The following GRM7 variants were observed in gnomAD, a reference collection of about 807,000 sequenced individuals.
GRM7 encodes the protein metabotropic glutamate receptor 7.
In GRM7, 35 loss-of-function variants were observed where a neutral mutation model predicts 84.5. The observed-to-expected ratio is 0.41, with a 90% CI of 0.32 to 0.55. The LOEUF (loss-of-function observed/expected upper bound fraction) is 0.55, where lower values mean the gene tolerates loss of function less well. Ranked by LOEUF, GRM7 falls within the 20% of genes least tolerant of loss-of-function variation. GRM7 has a pLI of 0.19. For synonymous variants in GRM7, 487 were observed against 455.1 expected, an observed-to-expected ratio of 1.07 and a Z score of -0.89; for missense variants, 1,003 against 1,194.6, an observed-to-expected ratio of 0.84 and a Z score of 2.36.
chr3:7,695,510 C>T (rs898480227), intron 9 of GRM7, among the ~76,000 whole-genome samples: 1 of 152,182 alleles, frequency 6.6e-6, no homozygotes, highest in Non-Finnish European at 1.5e-5. Context: ...TCTGCCCAAT[C>T]AAGTAGTGAA....
At position 7,672,601 on chromosome 3, in the gene GRM7, CTTTT is replaced by C. The variant is rs773468950; in HGVS notation, c.2452-7430_2452-7427del. Among the ~76,000 whole-genome samples the C allele has an allele frequency of 5.8e-3, 677 of 116,978 alleles. 6 individuals are homozygous for C. The highest frequency in any genetic ancestry group is 0.021 in the African/African-American group (641 of 30,786). 76.7% of individuals were successfully genotyped at this position (116,978 alleles called of 152,430 possible). A position where few individuals can be genotyped will look rare whatever the true frequency, so the allele number is the denominator to read the frequency against. ...CAGATGAAATAGGAGTTTTAATATA[CTTTT>C]TTTTTTTTTTTTTTTTTGAGACGGA... On this transcript the variant is annotated intron_variant, in intron 8 of 9. Coordinates refer to ENST00000357716, the MANE Select transcript of GRM7 (RefSeq NM_000844.4).
At chr3:7,362,689 A>G (rs537875743) in intron 4 of GRM7, among the ~76,000 whole-genome samples, 3 of 152,184 alleles carry the variant, frequency 2.0e-5, no homozygotes, top group African/African-American at 7.2e-5. Flanking sequence ...AACTGTGTGT[A>G]ATAAGCATAA....
chr3:6,977,457 G>A (rs796195483), intron 1 of GRM7, among the ~76,000 whole-genome samples: 1 of 151,946 alleles, frequency 6.6e-6, no homozygotes, highest in African/African-American at 2.4e-5. Flanking sequence ...TAAGGTATTA[G>A]TATAACTGCC....
At chr3:6,971,737 G>C (rs1034268194) in intron 1 of GRM7, among the ~76,000 whole-genome samples, 6 of 151,842 alleles carry the variant, frequency 4.0e-5, no homozygotes, top group Non-Finnish European at 7.4e-5. Context: ...TATATTCACT[G>C]TTTTATTCAC....
At chr3:7,020,629 GAATGT>G (rs977902303) in intron 1 of GRM7, among the ~76,000 whole-genome samples, 18 of 152,278 alleles carry the variant, frequency 1.2e-4, no homozygotes, top group Middle Eastern at 3.4e-3. Context: ...CAATTCGAAT[GAATGT>G]AATTGCAAAA....
chr3:7,547,799 A>T (rs922587222), intron 7 of GRM7, among the ~76,000 whole-genome samples: 1 of 152,228 alleles, frequency 6.6e-6, no homozygotes, highest in Admixed American at 6.5e-5. Context: ...AGAAACAGAT[A>T]AAAGAATAAA....
intron 8 of GRM7, among the ~76,000 whole-genome samples, chr3:7,669,141 T>G (rs540562528): frequency 6.6e-6 from 1 of 152,358 alleles, no homozygotes; most frequent in East Asian, 1.9e-4. Flanking sequence ...TATGGAATGT[T>G]AAGTCTAGCA....
intron 2 of GRM7, among the ~76,000 whole-genome samples, chr3:7,292,890 C>T (rs188084910): frequency 2.0e-5 from 3 of 151,418 alleles, no homozygotes; most frequent in Admixed American, 1.3e-4. Flanking sequence ...AAAAATTAGC[C>T]GGGCGTGGTG....
chr3:7,294,044 T>C (rs1039708823), intron 2 of GRM7, among the ~76,000 whole-genome samples: 1 of 152,220 alleles, frequency 6.6e-6, no homozygotes, highest in Admixed American at 6.5e-5. Flanking sequence ...ACCACGTTAA[T>C]AGCCAATCTC....
chr3:7,075,570 G>A (rs987389868), intron 1 of GRM7, among the ~76,000 whole-genome samples: 12 of 145,290 alleles, frequency 8.3e-5, no homozygotes, highest in South Asian at 2.2e-4. Context: ...TCACTCTGTC[G>A]CCCAGGCTGG....
At chr3:7,343,203 G>A (rs1450981479) in intron 4 of GRM7, among the ~76,000 whole-genome samples, 1 of 152,000 alleles carries the variant, frequency 6.6e-6, no homozygotes, top group Non-Finnish European at 1.5e-5. Flanking sequence ...GGTAATAGCA[G>A]TTTACAGATC....
chr3:7,273,465 A>G (rs12491748), intron 2 of GRM7, among the ~76,000 whole-genome samples: 55,548 of 151,916 alleles, frequency 0.37, 12,294 homozygotes, highest in Admixed American at 0.52. Flanking sequence ...GAGATCTTCA[A>G]CTATAATTGG....
chr3:7,114,422 A>G (rs2125037744), intron 1 of GRM7, among the ~76,000 whole-genome samples: 1 of 152,350 alleles, frequency 6.6e-6, no homozygotes, highest in South Asian at 2.1e-4. Context: ...TCTGGTTTAT[A>G]CATTCACATC....
At chr3:6,948,929 T>C (rs1419403599) in intron 1 of GRM7, among the ~76,000 whole-genome samples, 2 of 152,228 alleles carry the variant, frequency 1.3e-5, no homozygotes, top group African/African-American at 4.8e-5. Context: ...TCCATCCTTT[T>C]GTTTTGAGCT....
chr3:7,667,806 C>G lies in GRM7; in HGVS notation c.2452-12243C>G, dbSNP rs1284736215. On this transcript the variant is annotated intron_variant, in intron 8 of 9. Coordinates refer to ENST00000357716, the MANE Select transcript of GRM7 (RefSeq NM_000844.4). ...AAAACTCTAGGAGAAATTAGCATTA[C>G]AAAAACAAAACACATATAGGGTCTC... 2.9e-5 allele frequency among the ~76,000 whole-genome samples: 4 copies of G among 135,672 alleles called. No individual in the cohort carries two copies. The East Asian group carries it at 9.0e-4, about 31-fold the overall frequency. 89.0% of individuals were successfully genotyped at this position (135,672 alleles called of 152,430 possible). A position where few individuals can be genotyped will look rare whatever the true frequency, so the allele number is the denominator to read the frequency against.
At chr3:7,157,441 T>A (rs1051698178) in intron 2 of GRM7, among the ~76,000 whole-genome samples, 1 of 152,160 alleles carries the variant, frequency 6.6e-6, no homozygotes, top group Non-Finnish European at 1.5e-5. Flanking sequence ...TAAATTTTTC[T>A]AGTTAAAGTA....
Position 7,461,593 on chromosome 3 carries a change from C to T in GRM7, c.1386C>T (p.Gly462=), listed in dbSNP as rs757526095. The change falls in exon 7 of 10, where the codon GGC becomes GGT. Residue 462 remains glycine (G), a synonymous_variant. Transcript: ENST00000357716. Reference sequence around the variant, plus strand: ...TTCTGTCTTCCTTAGGTAGTGCTGGCACTCCAGTGATGTTTAACAAGAACG... The same window carrying T: ...TTCTGTCTTCCTTAGGTAGTGCTGGTACTCCAGTGATGTTTAACAAGAACG... The part of the protein sequence containing the change: ...IRNVNFNGSA[G]TPVMFNKNGD... 3.2e-5 allele frequency: 51 copies of T among 1,612,002 alleles called. No homozygotes were observed. The highest frequency in any genetic ancestry group is 9.9e-5 in the South Asian group (9 of 91,044).
chr3:7,301,096 C>A (rs1221966218), intron 3 of GRM7, among the ~76,000 whole-genome samples: 1 of 152,112 alleles, frequency 6.6e-6, no homozygotes, highest in Non-Finnish European at 1.5e-5. Flanking sequence ...GTTCTCCATC[C>A]AAAATGCATA....
chr3:7,026,633 G>A (rs1468017611), intron 1 of GRM7, among the ~76,000 whole-genome samples: 1 of 152,152 alleles, frequency 6.6e-6, no homozygotes, highest in African/African-American at 2.4e-5. Flanking sequence ...GCTCAATTAT[G>A]CAAATGCATG....
Sources: allele counts gnomAD v4.1 joint callset (sites outside exome capture counted in the v4.1 genomes callset), GRCh38; gene constraint gnomAD v4.1.1; transcripts MANE v1.5; gene names NCBI Gene and HGNC (gene_info 2026-07-23, HGNC 2026-07-21).